LRP1B: variants seen among roughly 807,000 people sequenced by gnomAD.
LRP1B encodes LDL receptor related protein 1B.
A neutral mutation model predicts 556.6 loss-of-function variants in LRP1B; 217 were observed. That is an observed-to-expected ratio of 0.39 (90% CI 0.35 to 0.44). LRP1B has a LOEUF of 0.44. Ranked by LOEUF, LRP1B falls within the 20% of genes least tolerant of loss-of-function variation. The pLI is 1.00. For synonymous variants in LRP1B, 2,047 were observed against 1,865.8 expected (o/e 1.10, Z -2.50); for missense variants, 5,053 against 5,620.8 (o/e 0.90, Z 3.23).
At chr2:142,095,844 G>A (rs1224390704) in intron 1 of LRP1B, among the ~76,000 whole-genome samples, 1 of 151,696 alleles carries the variant, frequency 6.6e-6, no homozygotes, top group Non-Finnish European at 1.5e-5. Flanking sequence ...AAATTGCTGA[G>A]GATAGCATTT....
rs553019999 is a variant in LRP1B, at chr2:141,385,408, T to C, written c.343+94988A>G. The stretch of plus-strand genomic sequence containing the variant: ...CCACCAGTGGAAAATTCCCTATCTC[T>C]GGTCCCAATCATTTTGGATAAGGTA... On this transcript the variant is annotated intron_variant, in intron 3 of 90. Transcript: ENST00000389484. 4.6e-5 allele frequency among the ~76,000 whole-genome samples: 7 copies of C among 152,296 alleles called. No homozygotes were observed. In the South Asian group the frequency reaches 1.5e-3, roughly 32 times the overall value.
intron 2 of LRP1B, among the ~76,000 whole-genome samples, chr2:141,627,370 C>G (rs186911180): frequency 6.6e-6 from 1 of 152,178 alleles, no homozygotes; most frequent in East Asian, 1.9e-4. Context: ...AAGATAATAT[C>G]ATTTTACATC....
At chr2:141,296,307 A>T (rs112609032) in intron 3 of LRP1B, among the ~76,000 whole-genome samples, 3,422 of 152,152 alleles carry the variant, frequency 0.022, 69 homozygotes, top group Non-Finnish European at 0.036. Context: ...AGCTTATTCA[A>T]TATCTGTTTT....
rs62172882 is a variant in LRP1B at position 141,245,854 on chromosome 2, G to A, written c.592+1372C>T. 8.9e-3 allele frequency among the ~76,000 whole-genome samples: 1,352 copies of A among 152,228 alleles called. 17 individuals carry two copies. The highest frequency in any genetic ancestry group is 0.013 in the Non-Finnish European group (917 of 68,004). On this transcript the variant is annotated intron_variant, in intron 5 of 90. Transcript: ENST00000389484. The stretch of plus-strand genomic sequence containing the variant: ...TCATTTTAGTAATTTTAATTAGCAA[G>A]ACAAGTTTATTCTCTCTTTCCTTTT...
At chr2:141,141,811 TGAG>T (rs1221555997) in intron 7 of LRP1B, among the ~76,000 whole-genome samples, 1 of 152,180 alleles carries the variant, frequency 6.6e-6, no homozygotes, top group Non-Finnish European at 1.5e-5. Flanking sequence ...CTTCCAATAA[TGAG>T]AAGAAGAAAA....
At chr2:141,870,506 G>A (rs1320840620) in intron 1 of LRP1B, among the ~76,000 whole-genome samples, 1 of 151,858 alleles carries the variant, frequency 6.6e-6, no homozygotes, top group African/African-American at 2.4e-5. Flanking sequence ...CATATCTGAA[G>A]GCAAGTAGAT....
chr2:141,488,743 C>G (rs934098607), intron 2 of LRP1B, among the ~76,000 whole-genome samples: 1 of 151,922 alleles, frequency 6.6e-6, no homozygotes, highest in Non-Finnish European at 1.5e-5. Context: ...CAAGCATGAG[C>G]CCCCATACCT....
At chr2:141,534,025 A>T (rs1684982628) in intron 2 of LRP1B, among the ~76,000 whole-genome samples, 1 of 146,812 alleles carries the variant, frequency 6.8e-6, no homozygotes, top group Non-Finnish European at 1.5e-5. Flanking sequence ...TCATACACAC[A>T]CGAGAGAGAA....
At chr2:141,354,828 T>C (rs528021538) in intron 3 of LRP1B, among the ~76,000 whole-genome samples, 1 of 152,132 alleles carries the variant, frequency 6.6e-6, no homozygotes, top group African/African-American at 2.4e-5. Context: ...ATAACTATAG[T>C]CTTAAAAAAA....
At chr2:140,912,583 T>C (rs2105240245) in intron 21 of LRP1B, among the ~76,000 whole-genome samples, 1 of 151,876 alleles carries the variant, frequency 6.6e-6, no homozygotes, top group East Asian at 1.9e-4. Flanking sequence ...AGATAATTAG[T>C]ATGAAGTTGA....
chr2:141,023,411 A>AT (rs1234857058), intron 11 of LRP1B, among the ~76,000 whole-genome samples: 8 of 151,942 alleles, frequency 5.3e-5, no homozygotes, highest in Non-Finnish European at 1.2e-4. Flanking sequence ...ATATAATAAA[A>AT]TTTATGTAAA....
rs186189497 is a variant in LRP1B at position 141,342,629 on chromosome 2, G to A, written c.344-87988C>T. Among the ~76,000 whole-genome samples, 374 of 151,958 alleles carry A rather than the reference G, an allele frequency of 2.5e-3. 2 individuals carry two copies. The Middle Eastern group carries it at 0.034, about 14-fold the overall frequency. On this transcript the variant is annotated intron_variant, in intron 3 of 90. Transcript: ENST00000389484. The stretch of plus-strand genomic sequence containing the variant: ...AGCAGAAGAAAGGATATCAGAGATC[G>A]AAGAACAACTTAATGAAATAAAGTG...
chr2:141,254,943 G>A (rs549068907), intron 3 of LRP1B, among the ~76,000 whole-genome samples: 5 of 152,024 alleles, frequency 3.3e-5, no homozygotes, highest in South Asian at 4.1e-4. Flanking sequence ...TCAACTCAGC[G>A]GTTGATTTTG....
At chr2:141,056,010 T>C (rs1324950198) in intron 9 of LRP1B, among the ~76,000 whole-genome samples, 1 of 151,794 alleles carries the variant, frequency 6.6e-6, no homozygotes, top group Non-Finnish European at 1.5e-5. Context: ...ATAAGTAAGA[T>C]TTTACATATT....
chr2:141,546,630 G>A (rs766218761), intron 2 of LRP1B, among the ~76,000 whole-genome samples: 1 of 152,126 alleles, frequency 6.6e-6, no homozygotes, highest in Non-Finnish European at 1.5e-5. Context: ...TCATTTACCA[G>A]ACATATCAAT....
intron 3 of LRP1B, 35 bp from the exon 4 acceptor site, chr2:141,254,676 A>G (rs200065225): frequency 2.8e-4 from 407 of 1,473,734 alleles, no homozygotes; most frequent in Non-Finnish European, 3.5e-4. Context: ...CTCTATATTT[A>G]ACTGTATATG....
chr2:141,302,086 A>G (rs550714030), intron 3 of LRP1B, among the ~76,000 whole-genome samples: 1 of 152,282 alleles, frequency 6.6e-6, no homozygotes, highest in African/African-American at 2.4e-5. Flanking sequence ...AAAAAATTCA[A>G]GAGCTTGAAA....
chr2:141,226,778 A>C (rs1683266758), intron 6 of LRP1B, among the ~76,000 whole-genome samples: 1 of 152,208 alleles, frequency 6.6e-6, no homozygotes, highest in Non-Finnish European at 1.5e-5. Flanking sequence ...ATTCAATGGC[A>C]GCTCTTCTGT....
In LRP1B at chr2:142,107,160, C is replaced by T. The variant is rs540671566; in HGVS notation, c.82+23488G>A. Among the ~76,000 whole-genome samples the T allele has an allele frequency of 6.7e-4, 102 of 152,180 alleles. No homozygotes were observed. In the Middle Eastern group the frequency reaches 0.01, roughly 15 times the overall value. On this transcript the variant is annotated intron_variant, in intron 1 of 90. Transcript: ENST00000389484. ...TAAAAACAAGTTCTATTTATTACAACAGTTTCTGGGTTAAAATAAAATTAT... is the reference window on the plus strand; with the variant it reads ...TAAAAACAAGTTCTATTTATTACAATAGTTTCTGGGTTAAAATAAAATTAT...
Sources: gnomAD v4.1 joint callset for allele counts (sites outside exome capture counted in the v4.1 genomes callset) on GRCh38, gnomAD v4.1.1 for gene constraint, MANE v1.5 for transcripts, NCBI Gene and HGNC (gene_info 2026-07-23, HGNC 2026-07-21) for gene names.